The following CARS1 variants were observed in gnomAD, a reference collection of about 807,000 sequenced individuals.
CARS1 encodes the protein cysteine--tRNA ligase, cytoplasmic.
In CARS1, 48 loss-of-function variants were observed where a neutral mutation model predicts 106.2. The ratio of observed to expected loss-of-function variants is 0.45; its 90% confidence interval spans 0.36 to 0.57. CARS1 has a LOEUF of 0.57. Among genes scored for constraint, CARS1 ranks in the 20% least tolerant of loss-of-function variants. The pLI is 0.00. For synonymous variants in CARS1, 409 were observed against 403.4 expected, an observed-to-expected ratio of 1.01 and a Z score of -0.17; for missense variants, 968 against 1,057.2, an observed-to-expected ratio of 0.92 and a Z score of 1.17.
chr11:3,028,922 C>A lies in CARS1; in HGVS notation c.1031+74G>T. 1.9e-6 allele frequency: 2 copies of A among 1,033,718 alleles called. No homozygotes were observed. Among genetic ancestry groups the A allele is most frequent in the Non-Finnish European group, 3.0e-6 (2 of 661,088 alleles). The allele number at this position is 1,033,718 out of a possible 1,614,324, so 64.0% of individuals were successfully genotyped here. ...TGCTCCTCTGCTTCCCAAACTCAGG[C>A]TCAGAGCTGGGGAGCTCCTCCCTGT... is the stretch of plus-strand genomic sequence containing the variant. On this transcript the variant is annotated intron_variant, in intron 9 of 22. Coordinates refer to ENST00000380525, the MANE Select transcript of CARS1 (RefSeq NM_001014437.3). The surrounding 1 kb of genome is among the most constrained non-coding windows in gnomAD (Gnocchi z 4.4).
rs1390701519 is a variant in CARS1, at chr11:3,022,009, A to G, written c.1154-1677T>C. ...ACAGAGAACACAGGACCCTCCCCACAAACACCCTATCCTTCAGCAAACATC... is the reference window on the plus strand; with the variant it reads ...ACAGAGAACACAGGACCCTCCCCACGAACACCCTATCCTTCAGCAAACATC... On this transcript the variant is annotated intron_variant, in intron 10 of 22. Transcript: ENST00000380525. The surrounding 1 kb of genome is among the most constrained non-coding windows in gnomAD (Gnocchi z 4.9). Among the ~76,000 whole-genome samples, 2 of 152,174 alleles carry G rather than the reference A, an allele frequency of 1.3e-5. No homozygotes were observed. Among genetic ancestry groups the G allele is most frequent in the Non-Finnish European group, 2.9e-5 (2 of 68,036 alleles).
In CARS1 at chr11:3,017,053, G is replaced by A; in HGVS notation, c.1917+53C>T. 2 of 1,513,010 alleles carry A rather than the reference G, an allele frequency of 1.3e-6. No homozygotes were observed. Among genetic ancestry groups the A allele is most frequent in the South Asian group, 2.4e-5 (2 of 83,256 alleles). The allele number at this position is 1,513,010 out of a possible 1,614,324, so 93.7% of individuals were successfully genotyped here. On this transcript the variant is annotated intron_variant, in intron 16 of 22. Coordinates refer to ENST00000380525, the MANE Select transcript of CARS1 (RefSeq NM_001014437.3). This position sits in a 1 kb window ranked among gnomAD's most constrained non-coding sequence, Gnocchi z 4.9. ...CTCTGTTCTCCCAGTCCTGGGGCCT[G>A]GCTCCTGTGTCCACACAGGCTGAGG...
Position 3,039,387 on chromosome 11 carries a change from AG to A in CARS1, c.553-96del. 2.6e-6 allele frequency: 2 copies of A among 758,138 alleles called. No homozygotes were observed. The allele number at this position is 758,138 out of a possible 1,614,324, so 47.0% of individuals were successfully genotyped here. A position where few individuals can be genotyped will look rare whatever the true frequency, so the allele number is the denominator to read the frequency against. On this transcript the variant is annotated intron_variant, in intron 5 of 22. Transcript: ENST00000380525. This position sits in a 1 kb window ranked among gnomAD's most constrained non-coding sequence, Gnocchi z 5.6. ...TCTCTCCCTTGGCCAACTCTAAGTGAGGGTGAGGGTGGTGGGAGACAACTGT... is the reference window on the plus strand; with the variant it reads ...TCTCTCCCTTGGCCAACTCTAAGTGAGGTGAGGGTGGTGGGAGACAACTGT...
chr11:3,007,293 G>A (rs747021727), intron 18 of CARS1: 57 of 381,938 alleles, frequency 1.5e-4, no homozygotes, highest in Middle Eastern at 7.2e-4. Context: ...AAGTTGGGCC[G>A]ACAGCAGGGG....
chr11:3,042,944 G>GAA (rs66992821), intron 2 of CARS1, among the ~76,000 whole-genome samples: 1 of 151,620 alleles, frequency 6.6e-6, no homozygotes, highest in Non-Finnish European at 1.5e-5. Flanking sequence ...GGACACTGCA[G>GAA]GAGTGGCTGG....
At chr11:3,007,644 C>T (rs1054162310) in intron 18 of CARS1, 1 of 152,298 alleles carries the variant, frequency 6.6e-6, no homozygotes, top group Non-Finnish European at 1.5e-5. Flanking sequence ...GGGGACCTGA[C>T]CCAGCTGGGA....
chr11:3,018,876 G>A, intron 12 of CARS1, 127 bp from the exon 13 acceptor site: 1 of 1,318,182 alleles, frequency 7.6e-7, no homozygotes. Flanking sequence ...GGTGGTGCAG[G>A]CAGGGCTTGG....
Position 3,026,746 on chromosome 11 carries a change from G to A in CARS1, c.1083C>T (p.Ser361=), listed in dbSNP as rs145300178. 3.4e-4 allele frequency: 552 copies of A among 1,613,818 alleles called. 6 individuals carry two copies. The South Asian group carries it at 4.0e-3, about 12-fold the overall frequency. The change falls in exon 10 of 23, where the codon AGC becomes AGT. Residue 361 remains serine (S), a synonymous_variant. Transcript: ENST00000380525. ...VYFDTAKFAS[S]EKHSYGKLVP... ...CCAGCTTCCCATAGGAGTGCTTCTCGCTAGAAGCAAACTTCGCTGTATCAA... is the reference window on the plus strand; with the variant it reads ...CCAGCTTCCCATAGGAGTGCTTCTCACTAGAAGCAAACTTCGCTGTATCAA...
At chr11:3,010,085 C>A (rs1299612935) in intron 18 of CARS1, among the ~76,000 whole-genome samples, 1 of 152,170 alleles carries the variant, frequency 6.6e-6, no homozygotes, top group East Asian at 1.9e-4. Flanking sequence ...CTCCAAGCCA[C>A]AAAACAAAAG....
At chr11:3,054,400 C>A (rs1466192231) in intron 1 of CARS1, among the ~76,000 whole-genome samples, 1 of 152,242 alleles carries the variant, frequency 6.6e-6, no homozygotes, top group Non-Finnish European at 1.5e-5. Context: ...TTAATCTCCA[C>A]CCCAAGGGTA....
At position 3,039,849 on chromosome 11, in the gene CARS1, C is replaced by A; in HGVS notation, c.538G>T (p.Asp180Tyr). 1 of 1,533,634 alleles carries A rather than the reference C, an allele frequency of 6.5e-7. No individual in the cohort carries two copies. The highest frequency in any genetic ancestry group is 1.9e-5 in the Admixed American group (1 of 52,672). ...ATTCCCTTTACCTTGTCATCAATAT[C>A]CGTAATGTTCATGCAATAAAAGACA... is the stretch of plus-strand genomic sequence containing the variant. ...FDVFYCMNITDIDDKIIKRAR... is the reference protein window; with the variant it reads ...FDVFYCMNITYIDDKIIKRAR... Residue 180 changes from aspartate (D) to tyrosine (Y), a missense_variant, in exon 5 of 23, where the codon GAT becomes TAT. Physicochemically the swap from Asp to Tyr is radical, Grantham distance 160 (BLOSUM62 -3). Coordinates refer to ENST00000380525, the MANE Select transcript of CARS1 (RefSeq NM_001014437.3). The surrounding 1 kb of genome is among the most constrained non-coding windows in gnomAD (Gnocchi z 5.6).
rs1203920653 is a variant in CARS1, at chr11:3,041,789, C to A, written c.366+376G>T. 6.6e-5 allele frequency among the ~76,000 whole-genome samples: 10 copies of A among 151,618 alleles called. No individual in the cohort carries two copies. The highest frequency in any genetic ancestry group is 6.5e-4 in the Admixed American group (10 of 15,276). The stretch of plus-strand genomic sequence containing the variant: ...CATCCAGCCAGTTTGCCGTTTTGTC[C>A]ATCCTGCTTGGCTCATACAGTGCCA... On this transcript the variant is annotated intron_variant, in intron 3 of 22. Coordinates refer to ENST00000380525, the MANE Select transcript of CARS1 (RefSeq NM_001014437.3). The surrounding 1 kb of genome is among the most constrained non-coding windows in gnomAD (Gnocchi z 4.9).
rs770340203 is a variant in CARS1 at position 3,015,837 on chromosome 11, C to A, written c.1930G>T (p.Val644Leu). 3.9e-5 allele frequency: 63 copies of A among 1,613,964 alleles called. No individual in the cohort carries two copies. Among genetic ancestry groups the A allele is most frequent in the Non-Finnish European group, 5.0e-5 (59 of 1,179,970 alleles). Residue 644 changes from valine to leucine, a missense_variant, in exon 17 of 23, where the codon GTA (valine) becomes TTA (leucine). Physicochemically the swap from Val to Leu is conservative, Grantham distance 32. Coordinates refer to ENST00000380525, the MANE Select transcript of CARS1 (RefSeq NM_001014437.3). ...AATCCCAGGGAGCTGTCCTCTTCTA[C>A]GGCCCCAAAGATCTAGGAAAAGAAA... ...LTHMLKIFGA[V>L]EEDSSLGFPV...
chr11:3,015,656 G>C, intron 17 of CARS1, 125 bp downstream of exon 17: 1 of 821,976 alleles, frequency 1.2e-6, no homozygotes, highest in Non-Finnish European at 2.1e-6. Context: ...CATTTAGCTC[G>C]AGGCGCTGTC....
intron 18 of CARS1, among the ~76,000 whole-genome samples, chr11:3,009,918 G>C (rs1850284277): frequency 6.6e-6 from 1 of 152,150 alleles, no homozygotes; most frequent in Non-Finnish European, 1.5e-5. Flanking sequence ...GGGGAGACAG[G>C]GTGATTGCAC....
chr11:3,054,320 C>G (rs1855982369), intron 1 of CARS1, among the ~76,000 whole-genome samples: 1 of 152,212 alleles, frequency 6.6e-6, no homozygotes, highest in South Asian at 2.1e-4. Flanking sequence ...CATCCAACAT[C>G]CCTCACAATG....
chr11:3,014,127 C>T (rs1349690324), intron 17 of CARS1, among the ~76,000 whole-genome samples: 1 of 152,128 alleles, frequency 6.6e-6, no homozygotes, highest in Admixed American at 6.5e-5. Context: ...TGGGGAAGGA[C>T]AGAAAGGGAG....
chr11:3,041,141 TG>T lies in CARS1; in HGVS notation c.367-158del. 8.1e-7 allele frequency: 1 copy of T among 1,235,438 alleles called. No individual in the cohort carries two copies. The highest frequency in any genetic ancestry group is 1.1e-6 in the Non-Finnish European group (1 of 890,118). 76.5% of individuals were successfully genotyped at this position (1,235,438 alleles called of 1,614,324 possible). A position where few individuals can be genotyped will look rare whatever the true frequency, so the allele number is the denominator to read the frequency against. On this transcript the variant is annotated intron_variant, in intron 3 of 22. Transcript: ENST00000380525. The surrounding 1 kb of genome is among the most constrained non-coding windows in gnomAD (Gnocchi z 4.9). ...TTACTGTGAAAAGTCACAGTCTCAGTGGGAGCCCAGTGAGATGTACGGCACC... is the reference window on the plus strand; with the variant it reads ...TTACTGTGAAAAGTCACAGTCTCAGTGGAGCCCAGTGAGATGTACGGCACC...
rs1265023068 is a variant in CARS1, at chr11:3,030,923, G to C, written c.802-1480C>G. 2.0e-5 allele frequency: 3 copies of C among 152,182 alleles called. No homozygotes were observed. Among genetic ancestry groups the C allele is most frequent in the Non-Finnish European group, 4.4e-5 (3 of 68,040 alleles). The allele number at this position is 152,182 out of a possible 1,614,324, so 9.4% of individuals were successfully genotyped here. A position where few individuals can be genotyped will look rare whatever the true frequency, so the allele number is the denominator to read the frequency against. Reference sequence around the variant, plus strand: ...TGTCTGAAGGAGAATTTGTGAACAGGAAGACAGAACTGAAGAAGTCATCCA... The same window carrying C: ...TGTCTGAAGGAGAATTTGTGAACAGCAAGACAGAACTGAAGAAGTCATCCA... On this transcript the variant is annotated intron_variant, in intron 7 of 22. Transcript: ENST00000380525. The surrounding 1 kb of genome is among the most constrained non-coding windows in gnomAD (Gnocchi z 5.7).
Sources: gnomAD v4.1 joint callset for allele counts (sites outside exome capture counted in the v4.1 genomes callset) on GRCh38, gnomAD v4.1.1 for gene constraint, Gnocchi (gnomAD v3.1) non-coding constraint, MANE v1.5 for transcripts, NCBI Gene and HGNC (gene_info 2026-07-23, HGNC 2026-07-21) for gene names.